Variants in IFTAP observed in about 807,000 individuals in gnomAD.
IFTAP encodes intraflagellar transport associated protein.
IFTAP carries 19 observed loss-of-function variants against 19.4 expected under a neutral mutation model. That is an observed-to-expected ratio of 0.98 (90% CI 0.68 to 1.44). The LOEUF is 1.44. Among genes scored for constraint, IFTAP ranks in the 40% most tolerant of loss-of-function variants. The probability of loss-of-function intolerance (pLI) is 0.00; values close to 1 mark genes in which losing one functional copy is unlikely to be tolerated. For synonymous variants in IFTAP, 85 were observed against 83.5 expected (o/e 1.02, Z -0.10); for missense variants, 240 against 253.6 (o/e 0.95, Z 0.36).
chr11:36,601,428 A>G (rs1364807078), intron 1 of IFTAP, among the ~76,000 whole-genome samples: 7 of 152,174 alleles, frequency 4.6e-5, no homozygotes, highest in African/African-American at 1.7e-4. Context: ...TATTTAAAGC[A>G]ATTAGTTAGA....
chr11:36,633,318 T>G lies in IFTAP; in HGVS notation c.171T>G (p.Thr57=), dbSNP rs750734020. The G allele has an allele frequency of 3.9e-5, 63 of 1,600,416 alleles. No individual in the cohort carries two copies. The highest frequency in any genetic ancestry group is 5.3e-5 in the Non-Finnish European group (62 of 1,174,190). Residue 57 remains threonine (T), a synonymous_variant, in exon 3 of 6, where the codon ACT becomes ACG. Coordinates refer to ENST00000334307, the MANE Select transcript of IFTAP (RefSeq NM_138787.4). ...TGTCCAAAAGGGGAGTGTTTGGAAC[T>G]GATTCTTCAGAAAACATTTTTACCT... ...DHVSKRGVFG[T]DSSENIFTSA...
intron 4 of IFTAP, 67 bp from the exon 5 acceptor site, chr11:36,647,949 A>G (rs547001811): frequency 1.3e-6 from 2 of 1,556,760 alleles, no homozygotes; most frequent in Non-Finnish European, 1.7e-6. Flanking sequence ...ACTTCTGGGC[A>G]TTTAAATGAT....
chr11:36,643,789 A>G (rs1368331252), intron 4 of IFTAP, among the ~76,000 whole-genome samples: 2 of 152,242 alleles, frequency 1.3e-5, no homozygotes, highest in African/African-American at 2.4e-5. Flanking sequence ...AAAACTGGCT[A>G]GCCATATGTG....
intron 1 of IFTAP, among the ~76,000 whole-genome samples, chr11:36,596,126 A>G (rs1260212791): frequency 1.3e-5 from 2 of 151,890 alleles, no homozygotes; most frequent in Non-Finnish European, 2.9e-5. Flanking sequence ...AATTGATACT[A>G]TAATTTATCT....
At chr11:36,633,056 T>A (rs1852789093) in intron 2 of IFTAP, among the ~76,000 whole-genome samples, 1 of 151,274 alleles carries the variant, frequency 6.6e-6, no homozygotes, top group Non-Finnish European at 1.5e-5. Flanking sequence ...GTGCTGGATA[T>A]GTAATAGGCA....
chr11:36,655,604 C>G (rs537075303), intron 5 of IFTAP, among the ~76,000 whole-genome samples: 1 of 152,254 alleles, frequency 6.6e-6, no homozygotes, highest in East Asian at 1.9e-4. Context: ...CATTTCGACT[C>G]AGGGATGTAC....
chr11:36,613,557 A>G (rs1045022246), intron 2 of IFTAP, among the ~76,000 whole-genome samples: 2 of 152,174 alleles, frequency 1.3e-5, no homozygotes, highest in African/African-American at 2.4e-5. Flanking sequence ...CTAATGCATG[A>G]TAAGTATCAC....
intron 4 of IFTAP, among the ~76,000 whole-genome samples, chr11:36,644,398 G>A (rs1193628424): frequency 6.6e-6 from 1 of 152,206 alleles, no homozygotes; most frequent in Non-Finnish European, 1.5e-5. Context: ...TACACTGTTG[G>A]TGGGACTGTA....
chr11:36,627,995 C>T (rs1240369798), intron 2 of IFTAP, among the ~76,000 whole-genome samples: 1 of 149,236 alleles, frequency 6.7e-6, no homozygotes, highest in Non-Finnish European at 1.5e-5. Flanking sequence ...CAAAAGAGAA[C>T]TCACTTGCGA....
chr11:36,648,456 G>T (rs1853580658), intron 5 of IFTAP: 1 of 226,004 alleles, frequency 4.4e-6, no homozygotes, highest in African/African-American at 2.3e-5. Flanking sequence ...GCCCTTTTTA[G>T]TTTGAACTGG....
At chr11:36,650,146 C>T (rs1853653962) in intron 5 of IFTAP, among the ~76,000 whole-genome samples, 1 of 152,090 alleles carries the variant, frequency 6.6e-6, no homozygotes, top group African/African-American at 2.4e-5. Context: ...TTAAAGCACC[C>T]AGTGCTAGTA....
chr11:36,595,379 C>T (rs970394998), intron 1 of IFTAP: 7 of 152,310 alleles, frequency 4.6e-5, no homozygotes, highest in African/African-American at 1.7e-4. Context: ...TGATAAATTT[C>T]TATTTTATTA....
intron 3 of IFTAP, among the ~76,000 whole-genome samples, chr11:36,634,103 C>T (rs1185437228): frequency 6.6e-6 from 1 of 151,954 alleles, no homozygotes; most frequent in Non-Finnish European, 1.5e-5. Flanking sequence ...ACAGCAGATG[C>T]CTATAATTCT....
At chr11:36,644,666 GC>G (rs1420218482) in intron 4 of IFTAP, among the ~76,000 whole-genome samples, 1 of 152,080 alleles carries the variant, frequency 6.6e-6, no homozygotes, top group Non-Finnish European at 1.5e-5. Context: ...ATACTATGCA[GC>G]CATAAAAAAG....
chr11:36,619,237 A>G (rs558493347), intron 2 of IFTAP, among the ~76,000 whole-genome samples: 11 of 152,150 alleles, frequency 7.2e-5, no homozygotes, highest in South Asian at 6.2e-4. Context: ...AAAGAATATC[A>G]CTACTCATAC....
chr11:36,626,615 T>C (rs567548194), intron 2 of IFTAP, among the ~76,000 whole-genome samples: 5 of 151,316 alleles, frequency 3.3e-5, no homozygotes, highest in African/African-American at 9.9e-5. Flanking sequence ...TCCTTAGGGA[T>C]ACATTTTTGT....
At chr11:36,654,287 A>G (rs955488316) in intron 5 of IFTAP, among the ~76,000 whole-genome samples, 1 of 151,720 alleles carries the variant, frequency 6.6e-6, no homozygotes, top group Admixed American at 6.6e-5. Context: ...CTCTTGCTTC[A>G]TTGGTTCTCA....
At chr11:36,614,727 G>C (rs1345715860) in intron 2 of IFTAP, among the ~76,000 whole-genome samples, 2 of 148,802 alleles carry the variant, frequency 1.3e-5, no homozygotes, top group East Asian at 3.9e-4. Flanking sequence ...CTTTTGAGAA[G>C]TGTCTGTTCA....
intron 4 of IFTAP, among the ~76,000 whole-genome samples, chr11:36,638,365 G>C (rs1415833475): frequency 6.6e-6 from 1 of 151,966 alleles, no homozygotes; most frequent in African/African-American, 2.4e-5. Context: ...AAGCCTTCTT[G>C]TATTTGTGTA....
Sources: gnomAD v4.1 joint callset for allele counts (sites outside exome capture counted in the v4.1 genomes callset) on GRCh38, gnomAD v4.1.1 for gene constraint, MANE v1.5 for transcripts, NCBI Gene and HGNC (gene_info 2026-07-23, HGNC 2026-07-21) for gene names.